Variants in OPCML observed in about 807,000 individuals in gnomAD.
OPCML encodes opioid-binding protein/cell adhesion molecule.
OPCML carries 13 observed loss-of-function variants against 37.8 expected under a neutral mutation model. That is an observed-to-expected ratio of 0.34 (90% CI 0.22 to 0.55). The LOEUF (loss-of-function observed/expected upper bound fraction) is 0.55, where lower values mean the gene tolerates loss of function less well. Among genes scored for constraint, OPCML ranks in the 20% least tolerant of loss-of-function variants. The probability of loss-of-function intolerance (pLI) is 0.91; values close to 1 mark genes in which losing one functional copy is unlikely to be tolerated. For missense variants in OPCML, 341 were observed against 435.6 expected (o/e 0.78, Z 1.93); for synonymous variants, 176 against 168.8 (o/e 1.04, Z -0.33).
intron 3 of OPCML, among the ~76,000 whole-genome samples, chr11:132,628,847 G>C (rs1171479157): frequency 6.6e-6 from 1 of 152,050 alleles, no homozygotes; most frequent in Non-Finnish European, 1.5e-5. Flanking sequence ...TTCCGTCTTT[G>C]CTTGGCACTT....
chr11:133,510,905 A>G lies in OPCML; in HGVS notation c.61+21359T>C, dbSNP rs946049555. Among the ~76,000 whole-genome samples the G allele has an allele frequency of 2.1e-4, 31 of 150,478 alleles. No homozygotes were observed. The East Asian group carries it at 3.3e-3, about 16-fold the overall frequency. ...GCCACATACACACACACACACACGC[A>G]CACACACACACACACACTCCAATCT... On this transcript the variant is annotated intron_variant, in intron 1 of 7. Transcript: ENST00000524381.
intron 1 of OPCML, among the ~76,000 whole-genome samples, chr11:133,429,636 G>C (rs1946076843): frequency 6.6e-6 from 1 of 152,168 alleles, no homozygotes; most frequent in South Asian, 2.1e-4. Context: ...AGAAGGTAGA[G>C]TCAACAGGAT....
intron 1 of OPCML, among the ~76,000 whole-genome samples, chr11:133,017,629 T>A (rs1947358898): frequency 6.6e-6 from 1 of 152,214 alleles, no homozygotes; most frequent in Admixed American, 6.5e-5. Context: ...TCTCAGGTGA[T>A]CTGCCCTCCT....
At chr11:132,680,171 T>G (rs746330451) in intron 2 of OPCML, among the ~76,000 whole-genome samples, 17 of 152,202 alleles carry the variant, frequency 1.1e-4, no homozygotes, top group Non-Finnish European at 1.8e-4. Context: ...CAAGCCATTG[T>G]GCAATGCACC....
chr11:133,091,340 AGAGCCACGTGTAGTG>A (rs1207069660), intron 1 of OPCML, among the ~76,000 whole-genome samples: 1 of 152,226 alleles, frequency 6.6e-6, no homozygotes, highest in Non-Finnish European at 1.5e-5. Flanking sequence ...CATCCTCACT[AGAGCCACGTGTAGTG>A]GAGCTGTGGG....
intron 1 of OPCML, chr11:133,064,740 C>T (rs987112859): frequency 2.0e-5 from 3 of 152,124 alleles, no homozygotes; most frequent in Non-Finnish European, 4.4e-5. Flanking sequence ...CCTCTGCCTC[C>T]GCAGCCACAC....
At chr11:133,255,156 C>A (rs986673712) in intron 1 of OPCML, among the ~76,000 whole-genome samples, 1 of 152,256 alleles carries the variant, frequency 6.6e-6, no homozygotes, top group African/African-American at 2.4e-5. Context: ...TTTCTCCTCA[C>A]TCTCCGGCCC....
At chr11:133,509,755 T>C (rs1948113190) in intron 1 of OPCML, among the ~76,000 whole-genome samples, 1 of 152,212 alleles carries the variant, frequency 6.6e-6, no homozygotes, top group Non-Finnish European at 1.5e-5. Flanking sequence ...CTAACCTGCT[T>C]AGGTAGCTGT....
chr11:133,508,382 G>A (rs900662430), intron 1 of OPCML, among the ~76,000 whole-genome samples: 1 of 152,242 alleles, frequency 6.6e-6, no homozygotes, highest in African/African-American at 2.4e-5. Flanking sequence ...ACCACTGGAT[G>A]TCAATGTCTT....
intron 4 of OPCML, among the ~76,000 whole-genome samples, chr11:132,527,234 T>C (rs1255651109): frequency 1.3e-5 from 2 of 152,212 alleles, no homozygotes; most frequent in Admixed American, 1.3e-4. Flanking sequence ...TTCATTTATC[T>C]TGAATAAATG....
intron 4 of OPCML, among the ~76,000 whole-genome samples, chr11:132,484,334 C>A (rs2096192008): frequency 6.6e-6 from 1 of 152,158 alleles, no homozygotes. Flanking sequence ...CCATCACTGG[C>A]CATCAGATAA....
intron 1 of OPCML, among the ~76,000 whole-genome samples, chr11:132,960,429 G>A (rs1946067128): frequency 6.6e-6 from 1 of 152,190 alleles, no homozygotes; most frequent in Non-Finnish European, 1.5e-5. Context: ...AGGTTGGGGC[G>A]AGGCCAGGAG....
chr11:132,723,485 G>A (rs1944754246), intron 2 of OPCML, among the ~76,000 whole-genome samples: 2 of 152,128 alleles, frequency 1.3e-5, no homozygotes, highest in African/African-American at 4.8e-5. Context: ...GTAAAAAATA[G>A]AAGAGCCAGT....
At chr11:132,686,295 T>C (rs529515623) in intron 2 of OPCML, among the ~76,000 whole-genome samples, 104 of 152,272 alleles carry the variant, frequency 6.8e-4, no homozygotes, top group Non-Finnish European at 1.1e-3. Context: ...GTGCCTTGCC[T>C]CGGAAAATGG....
intron 1 of OPCML, among the ~76,000 whole-genome samples, chr11:133,315,312 G>A (rs747636607): frequency 5.3e-5 from 8 of 151,966 alleles, no homozygotes; most frequent in East Asian, 3.9e-4. Context: ...CTTGAGTGCC[G>A]CAAACTCATT....
intron 2 of OPCML, among the ~76,000 whole-genome samples, chr11:132,725,885 G>T (rs1188438178): frequency 6.6e-6 from 1 of 151,998 alleles, no homozygotes; most frequent in Non-Finnish European, 1.5e-5. Context: ...AATGCTACCA[G>T]TCTCTTTGCT....
chr11:133,235,554 C>T (rs964679449), intron 1 of OPCML, among the ~76,000 whole-genome samples: 1 of 152,180 alleles, frequency 6.6e-6, no homozygotes, highest in Admixed American at 6.5e-5. Flanking sequence ...AGCACCAGCA[C>T]CCAAGCTGCT....
intron 1 of OPCML, among the ~76,000 whole-genome samples, chr11:133,220,703 C>A (rs1369348523): frequency 1.3e-5 from 2 of 152,236 alleles, no homozygotes; most frequent in South Asian, 4.2e-4. Flanking sequence ...ACTAAATGCT[C>A]CCCCAAAAGT....
At chr11:133,125,376 C>T (rs145681868) in intron 1 of OPCML, among the ~76,000 whole-genome samples, 1,840 of 152,044 alleles carry the variant, frequency 0.012, 32 homozygotes, top group Non-Finnish European at 0.018. Flanking sequence ...CTCTACCCCA[C>T]CAATGCTGCA....
Sources: allele counts gnomAD v4.1 joint callset (sites outside exome capture counted in the v4.1 genomes callset), GRCh38; gene constraint gnomAD v4.1.1; transcripts MANE v1.5; gene names NCBI Gene and HGNC (gene_info 2026-07-23, HGNC 2026-07-21).